PTPRD: variants seen among roughly 807,000 people sequenced by gnomAD.
PTPRD encodes protein tyrosine phosphatase receptor type D.
A neutral mutation model predicts 214.5 loss-of-function variants in PTPRD; 34 were observed. The ratio of observed to expected loss-of-function variants is 0.16; its 90% CI spans 0.12 to 0.21. The LOEUF is 0.21. Among genes scored for constraint, PTPRD ranks in the 10% least tolerant of loss-of-function variants. The probability of loss-of-function intolerance (pLI) is 1.00; values close to 1 mark genes in which losing one functional copy is unlikely to be tolerated. For missense variants in PTPRD, 2,545 were observed against 2,398.7 expected (o/e 1.06, Z -1.27); for synonymous variants, 1,128 against 845.7 (o/e 1.33, Z -5.79).
At chr9:8,599,613 C>CCCCCCCCCCCT (rs2094698008) in intron 14 of PTPRD, among the ~76,000 whole-genome samples, 2 of 53,418 alleles carry the variant, frequency 3.7e-5, no homozygotes, top group Non-Finnish European at 7.3e-5. Context: ...CCCGCCCACC[C>CCCCCCCCCCCT]TTTTTTTTTT....
chr9:8,515,446 C>T lies in PTPRD; in HGVS notation c.1543+2402G>A, dbSNP rs545550112. Among the ~76,000 whole-genome samples the T allele has an allele frequency of 7.4e-4, 113 of 152,118 alleles. 1 individual carries two copies. The highest frequency in any genetic ancestry group is 7.6e-4 in the Non-Finnish European group (52 of 68,026). On this transcript the variant is annotated intron_variant, in intron 21 of 45. Coordinates refer to ENST00000381196, the MANE Select transcript of PTPRD (RefSeq NM_002839.4). ...CTGTTATGAATTTTATTGCATCCCA[C>T]AAAAATCCATATGTTGACATCCTCA...
At position 10,168,939 on chromosome 9, in the gene PTPRD, C is replaced by A. The variant is rs369872940; in HGVS notation, c.-544-135149G>T. On this transcript the variant is annotated intron_variant, in intron 3 of 45. Transcript: ENST00000381196. ...TTGTTTGTTTCCCTCTAATATTTGTCATGTCTTATGGACTGGAGGAGCCAA... is the reference window on the plus strand; with the variant it reads ...TTGTTTGTTTCCCTCTAATATTTGTAATGTCTTATGGACTGGAGGAGCCAA... Among the ~76,000 whole-genome samples, 6 of 152,192 alleles carry A rather than the reference C, an allele frequency of 3.9e-5. No individual in the cohort carries two copies. In the East Asian group the frequency reaches 9.7e-4, roughly 25 times the overall value.
chr9:9,975,098 G>A (rs1587915351), intron 4 of PTPRD, among the ~76,000 whole-genome samples: 1 of 152,090 alleles, frequency 6.6e-6, no homozygotes, highest in Admixed American at 6.6e-5. Flanking sequence ...TCTCCCGTTA[G>A]CACTGTCTTT....
At chr9:10,089,415 TAA>T (rs1357961257) in intron 3 of PTPRD, among the ~76,000 whole-genome samples, 1 of 151,432 alleles carries the variant, frequency 6.6e-6, no homozygotes, top group East Asian at 1.9e-4. Context: ...GTATGGCATG[TAA>T]AAAAATGTTC....
At chr9:8,420,829 AAT>A (rs113064063) in intron 35 of PTPRD, among the ~76,000 whole-genome samples, 71,785 of 149,256 alleles carry the variant, frequency 0.48, 17,730 homozygotes, top group East Asian at 0.71. Flanking sequence ...AAAAAAAGAA[AAT>A]ATAAAGACAC....
At chr9:9,297,017 T>C (rs1308396865) in intron 9 of PTPRD, among the ~76,000 whole-genome samples, 2 of 151,738 alleles carry the variant, frequency 1.3e-5, no homozygotes, top group African/African-American at 2.4e-5. Flanking sequence ...GCAGACTGAC[T>C]TGGAAAATGT....
At chr9:9,196,374 T>A (rs2099938637) in intron 9 of PTPRD, among the ~76,000 whole-genome samples, 1 of 152,206 alleles carries the variant, frequency 6.6e-6, no homozygotes, top group Non-Finnish European at 1.5e-5. Flanking sequence ...CTCCTTGCTC[T>A]GAAATAATTC....
intron 10 of PTPRD, among the ~76,000 whole-genome samples, chr9:9,129,015 C>A (rs559280922): frequency 6.6e-6 from 1 of 152,354 alleles, no homozygotes; most frequent in East Asian, 1.9e-4. Context: ...AGCTGTATTT[C>A]ATTCTTCCAC....
At chr9:9,562,636 C>T (rs549889674) in intron 8 of PTPRD, among the ~76,000 whole-genome samples, 1 of 152,080 alleles carries the variant, frequency 6.6e-6, no homozygotes, top group South Asian at 2.1e-4. Context: ...CAGCCTTTGC[C>T]TTTACAATTA....
chr9:9,278,852 T>A (rs951759938), intron 9 of PTPRD, among the ~76,000 whole-genome samples: 7 of 151,362 alleles, frequency 4.6e-5, no homozygotes, highest in Non-Finnish European at 8.9e-5. Context: ...TCACTATTCA[T>A]CTACACATAC....
At position 8,555,764 on chromosome 9, in the gene PTPRD, T is replaced by C. The variant is rs530712399; in HGVS notation, c.353-26985A>G. 2.0e-5 allele frequency among the ~76,000 whole-genome samples: 3 copies of C among 152,164 alleles called. No homozygotes were observed. The East Asian group carries it at 5.8e-4, about 30-fold the overall frequency. ...ACAGGAAGGATGCTTTGTCTACATC[T>C]AGAAAGAGAGTCTACACGTGTAGGG... On this transcript the variant is annotated intron_variant, in intron 14 of 45. Coordinates refer to ENST00000381196, the MANE Select transcript of PTPRD (RefSeq NM_002839.4).
At chr9:9,702,873 C>T (rs192374305) in intron 7 of PTPRD, among the ~76,000 whole-genome samples, 2 of 152,264 alleles carry the variant, frequency 1.3e-5, no homozygotes, top group East Asian at 3.9e-4. Context: ...CTTAACATTT[C>T]TGACTCTATT....
chr9:8,874,009 G>A lies in PTPRD; in HGVS notation c.-103-140063C>T, dbSNP rs1440747179. 2.6e-5 allele frequency among the ~76,000 whole-genome samples: 4 copies of A among 152,216 alleles called. No individual in the cohort carries two copies. In the East Asian group the frequency reaches 5.8e-4, roughly 22 times the overall value. ...ACACTTGTGTCCTTCCAGACTTTGA[G>A]GGGCAAAACTACATCTAAAAGATTA... On this transcript the variant is annotated intron_variant, in intron 11 of 45. Transcript: ENST00000381196.
At chr9:9,233,261 G>T (rs1238683537) in intron 9 of PTPRD, among the ~76,000 whole-genome samples, 1 of 152,096 alleles carries the variant, frequency 6.6e-6, no homozygotes, top group Non-Finnish European at 1.5e-5. Flanking sequence ...CAAGCAAACG[G>T]GGAAAATCTT....
At chr9:9,499,387 C>A (rs894263730) in intron 8 of PTPRD, among the ~76,000 whole-genome samples, 5 of 151,982 alleles carry the variant, frequency 3.3e-5, no homozygotes, top group Non-Finnish European at 4.4e-5. Context: ...TCTGTATTTT[C>A]TTATATTTAC....
intron 4 of PTPRD, among the ~76,000 whole-genome samples, chr9:10,031,647 T>TATATATATATATATATATAC: frequency 8.9e-5 from 8 of 89,648 alleles, no homozygotes; most frequent in South Asian, 6.7e-4. Flanking sequence ...TATATATATA[T>TATATATATATATATATATAC]ACACACACAC....
chr9:9,102,361 G>T (rs1354330284), intron 10 of PTPRD, among the ~76,000 whole-genome samples: 1 of 152,180 alleles, frequency 6.6e-6, no homozygotes, highest in Non-Finnish European at 1.5e-5. Context: ...TAGGGGTGAT[G>T]ATCTAAACAG....
intron 3 of PTPRD, among the ~76,000 whole-genome samples, chr9:10,203,408 G>A (rs1294588924): frequency 2.0e-5 from 3 of 151,928 alleles, no homozygotes. Flanking sequence ...GTCAGCTTTG[G>A]CTACCCCCCA....
intron 12 of PTPRD, among the ~76,000 whole-genome samples, chr9:8,662,348 G>C (rs2097078046): frequency 6.6e-6 from 1 of 152,142 alleles, no homozygotes; most frequent in African/African-American, 2.4e-5. Flanking sequence ...CAGACTCCAA[G>C]AACAGGATGA....
Sources: gnomAD v4.1 joint callset for allele counts (sites outside exome capture counted in the v4.1 genomes callset) on GRCh38, gnomAD v4.1.1 for gene constraint, MANE v1.5 for transcripts, NCBI Gene and HGNC (gene_info 2026-07-23, HGNC 2026-07-21) for gene names.